Variants in JARID2 observed in about 807,000 individuals in gnomAD.
The protein encoded by JARID2 is protein Jumonji.
JARID2 carries 21 observed loss-of-function variants against 125.6 expected under a neutral mutation model. That is an observed-to-expected ratio of 0.17 (90% CI 0.12 to 0.24). JARID2 has a LOEUF of 0.24. Among genes scored for constraint, JARID2 ranks in the 10% least tolerant of loss-of-function variants. The probability of loss-of-function intolerance (pLI) is 1.00; values close to 1 mark genes in which losing one functional copy is unlikely to be tolerated. For missense variants in JARID2, 1,303 were observed against 1,639.6 expected (o/e 0.79, Z 3.55); for synonymous variants, 736 against 661.6 (o/e 1.11, Z -1.73).
intron 1 of JARID2, among the ~76,000 whole-genome samples, chr6:15,277,269 T>C (rs1760561485): frequency 6.6e-6 from 1 of 152,106 alleles, no homozygotes; most frequent in Non-Finnish European, 1.5e-5. Context: ...ACAGCCCAGT[T>C]TTCTTAATTG....
intron 1 of JARID2, among the ~76,000 whole-genome samples, chr6:15,249,907 C>A (rs1269838930): frequency 2.0e-5 from 3 of 152,166 alleles, no homozygotes; most frequent in Non-Finnish European, 4.4e-5. Context: ...AAGCCCCAAT[C>A]GACTTGGACA....
intron 2 of JARID2, among the ~76,000 whole-genome samples, chr6:15,399,249 G>GT (rs376343168): frequency 1.3e-3 from 191 of 152,224 alleles, no homozygotes; most frequent in African/African-American, 4.3e-3. Context: ...GTATATTGAG[G>GT]TTACCCCACC....
At chr6:15,410,193 TTAAG>T (rs1379525861) in intron 2 of JARID2, 27 bp from the exon 3 acceptor site, 3 of 1,606,646 alleles carry the variant, frequency 1.9e-6, no homozygotes, top group Non-Finnish European at 2.6e-6. Context: ...TGTGATGTAT[TTAAG>T]TGTTTGTCCC....
intron 3 of JARID2, among the ~76,000 whole-genome samples, chr6:15,429,486 G>T (rs900434822): frequency 6.6e-6 from 1 of 151,970 alleles, no homozygotes; most frequent in Non-Finnish European, 1.5e-5. Context: ...GGCTGGTTGC[G>T]AACTCCTGGT....
intron 1 of JARID2, among the ~76,000 whole-genome samples, chr6:15,283,850 C>T (rs936921128): frequency 3.3e-5 from 5 of 151,798 alleles, no homozygotes; most frequent in East Asian, 1.9e-4. Context: ...GGACTACAGG[C>T]GCCTGCCACC....
At chr6:15,442,630 G>A (rs1053969522) in intron 3 of JARID2, among the ~76,000 whole-genome samples, 3 of 152,184 alleles carry the variant, frequency 2.0e-5, no homozygotes, top group Non-Finnish European at 4.4e-5. Context: ...TGGGGATGGC[G>A]GCGCAGACAG....
intron 1 of JARID2, among the ~76,000 whole-genome samples, chr6:15,290,679 C>G (rs1225558230): frequency 6.6e-6 from 1 of 152,132 alleles, no homozygotes; most frequent in Non-Finnish European, 1.5e-5. Flanking sequence ...AGTGCAGTGG[C>G]ACAATCTTGG....
chr6:15,438,253 T>C (rs989568603), intron 3 of JARID2, among the ~76,000 whole-genome samples: 1 of 152,130 alleles, frequency 6.6e-6, no homozygotes, highest in African/African-American at 2.4e-5. Flanking sequence ...GGATGCCTCT[T>C]TGATCAAAGG....
At chr6:15,266,245 C>T (rs1233649074) in intron 1 of JARID2, among the ~76,000 whole-genome samples, 3 of 152,140 alleles carry the variant, frequency 2.0e-5, no homozygotes, top group African/African-American at 4.8e-5. Context: ...TGTATGGCCC[C>T]TCTTTTAAAG....
chr6:15,509,023 T>G, intron 12 of JARID2: 1 of 1,289,346 alleles, frequency 7.8e-7, no homozygotes, highest in Non-Finnish European at 1.0e-6. Flanking sequence ...AGAGTTGACT[T>G]GGGAATCTCG....
chr6:15,331,809 A>AAACT (rs1220011279), intron 1 of JARID2, among the ~76,000 whole-genome samples: 7 of 152,166 alleles, frequency 4.6e-5, no homozygotes, highest in Non-Finnish European at 8.8e-5. Context: ...AACAAGAGTG[A>AAACT]AACTCCATTT....
chr6:15,517,082 C>T (rs1010408880), intron 16 of JARID2, 79 bp from the exon 17 acceptor site: 18 of 1,042,996 alleles, frequency 1.7e-5, no homozygotes, highest in Admixed American at 3.5e-5. Context: ...GCTGCCCGGC[C>T]GGGCGTGCTC....
At position 15,312,255 on chromosome 6, in the gene JARID2, G is replaced by C. The variant is rs987804561; in HGVS notation, c.46-61862G>C. On this transcript the variant is annotated intron_variant, in intron 1 of 17. Coordinates refer to ENST00000341776, the MANE Select transcript of JARID2 (RefSeq NM_004973.4). ...TTTTTAGTAGAGACAGGGTTTCACTGTCTTGGCCAGGCTGGGCTCGAACTC... is the reference window on the plus strand; with the variant it reads ...TTTTTAGTAGAGACAGGGTTTCACTCTCTTGGCCAGGCTGGGCTCGAACTC... Among the ~76,000 whole-genome samples the C allele has an allele frequency of 5.9e-5, 9 of 152,222 alleles. 2 individuals are homozygous for C. In the Middle Eastern group the frequency reaches 0.024, roughly 405 times the overall value.
In JARID2 at chr6:15,508,356, G is replaced by A; in HGVS notation, c.2748G>A (p.Trp916Ter). 1 of 1,598,938 alleles carries A rather than the reference G, an allele frequency of 6.3e-7. No individual in the cohort carries two copies. Among genetic ancestry groups the A allele is most frequent in the Non-Finnish European group, 8.6e-7 (1 of 1,166,204 alleles). Residue 916 changes from tryptophan to a stop codon, truncating the protein, a stop_gained, in exon 12 of 18, where the codon TGG (tryptophan) becomes TGA (stop). Transcript: ENST00000341776. LOFTEE classifies it high-confidence loss of function. ...LGAVPGVTIP[W>*]LNIGMVFSTS... ...CTGTTTTAGGAGTGACTATTCCCTG[G>A]CTAAATATTGGCATGGTCTTTTCTA...
chr6:15,287,575 C>T (rs1304902282), intron 1 of JARID2, among the ~76,000 whole-genome samples: 3 of 152,184 alleles, frequency 2.0e-5, no homozygotes, highest in Non-Finnish European at 4.4e-5. Flanking sequence ...GGGAATGTTA[C>T]ATTTCAGCAA....
At chr6:15,385,651 T>G (rs1054624098) in intron 2 of JARID2, among the ~76,000 whole-genome samples, 1 of 152,140 alleles carries the variant, frequency 6.6e-6, no homozygotes, top group Non-Finnish European at 1.5e-5. Context: ...GCCTGGGATC[T>G]CCGAAGTCTG....
At chr6:15,246,804 C>T (rs1002422696) in intron 1 of JARID2, among the ~76,000 whole-genome samples, 4 of 152,030 alleles carry the variant, frequency 2.6e-5, no homozygotes, top group Admixed American at 1.3e-4. Context: ...AATAAATTGA[C>T]CTCGAATGAC....
chr6:15,267,643 C>G (rs1256802982), intron 1 of JARID2, among the ~76,000 whole-genome samples: 2 of 152,074 alleles, frequency 1.3e-5, no homozygotes, highest in African/African-American at 4.8e-5. Context: ...TTTGGCTGTC[C>G]TGTCTTCAGA....
intron 1 of JARID2, among the ~76,000 whole-genome samples, chr6:15,290,433 T>C (rs561944661): frequency 1.6e-4 from 25 of 152,334 alleles, no homozygotes; most frequent in Non-Finnish European, 3.2e-4. Context: ...AAGTAGTCTT[T>C]GTTGAGGATT....
Sources: gnomAD v4.1 joint callset for allele counts (sites outside exome capture counted in the v4.1 genomes callset) on GRCh38, gnomAD v4.1.1 for gene constraint, MANE v1.5 for transcripts, NCBI Gene and HGNC (gene_info 2026-07-23, HGNC 2026-07-21) for gene names.